ANKRD11: variants seen among roughly 807,000 people sequenced by gnomAD.
ANKRD11 encodes the protein ankyrin repeat domain-containing protein 11.
A neutral mutation model predicts 195.7 loss-of-function variants in ANKRD11; 17 were observed. The ratio of observed to expected loss-of-function variants is 0.09; its 90% CI spans 0.06 to 0.13. The LOEUF is 0.13. ANKRD11 is among the 10% of genes least tolerant of loss of function. The probability of loss-of-function intolerance (pLI) is 1.00; values close to 1 mark genes in which losing one functional copy is unlikely to be tolerated. For missense variants in ANKRD11, 3,735 were observed against 3,566.1 expected (o/e 1.05, Z -1.21); for synonymous variants, 1,953 against 1,528.1 (o/e 1.28, Z -6.49).
chr16:89,356,719 TGCAGTGA>T lies in ANKRD11; in HGVS notation c.-59-39648_-59-39642del, dbSNP rs543585888. Among the ~76,000 whole-genome samples the T allele has an allele frequency of 5.0e-3, 732 of 145,790 alleles. 4 individuals carry two copies. Among genetic ancestry groups the T allele is most frequent in the African/African-American group, 0.018 (708 of 39,106 alleles). On this transcript the variant is annotated intron_variant, in intron 2 of 12. Transcript: ENST00000301030. ...TGGTATGAACCCGGGAGGCCGAGCT[TGCAGTGA>T]GCCAAGATCGCACCACTGCACTCTA...
intron 7 of ANKRD11, chr16:89,286,867 C>G: frequency 7.8e-7 from 1 of 1,288,312 alleles, no homozygotes; most frequent in Non-Finnish European, 1.0e-6. Flanking sequence ...TAAATTTAAT[C>G]CCAACTTTAG....
intron 1 of ANKRD11, among the ~76,000 whole-genome samples, chr16:89,449,768 G>C (rs948290394): frequency 2.6e-5 from 4 of 152,152 alleles, no homozygotes; most frequent in African/African-American, 7.2e-5. Context: ...ACTCCAGCCT[G>C]GGCAACAAAA....
intron 2 of ANKRD11, among the ~76,000 whole-genome samples, chr16:89,384,617 G>T (rs536276157): frequency 6.6e-6 from 1 of 152,172 alleles, no homozygotes; most frequent in African/African-American, 2.4e-5. Context: ...GCTTCTGCAG[G>T]AAGGAGCCTC....
At chr16:89,428,971 C>A (rs2042849471) in intron 1 of ANKRD11, among the ~76,000 whole-genome samples, 1 of 152,048 alleles carries the variant, frequency 6.6e-6, no homozygotes, top group Non-Finnish European at 1.5e-5. Context: ...AATGTGAGCC[C>A]ACAATGATTT....
At chr16:89,311,881 C>G (rs1231565314) in intron 3 of ANKRD11, among the ~76,000 whole-genome samples, 1 of 152,058 alleles carries the variant, frequency 6.6e-6, no homozygotes, top group Non-Finnish European at 1.5e-5. Flanking sequence ...AAATCAGGAA[C>G]ACAGGGAAGG....
At chr16:89,271,814 A>T (rs2151682012) in intron 11 of ANKRD11, 1 of 152,268 alleles carries the variant, frequency 6.6e-6, no homozygotes, top group Non-Finnish European at 1.5e-5. Flanking sequence ...ACTGGGGAAA[A>T]TCTCCAGGAC....
intron 3 of ANKRD11, among the ~76,000 whole-genome samples, chr16:89,313,008 C>T (rs1236556108): frequency 6.6e-6 from 1 of 152,192 alleles, no homozygotes; most frequent in Non-Finnish European, 1.5e-5. Flanking sequence ...GGAGGGCTCA[C>T]ATGCTCAGTT....
At chr16:89,318,211 C>T (rs753228282) in intron 2 of ANKRD11, among the ~76,000 whole-genome samples, 12 of 152,202 alleles carry the variant, frequency 7.9e-5, no homozygotes, top group Non-Finnish European at 1.3e-4. Context: ...AACTTCCCCA[C>T]GCCACGCCTG....
intron 2 of ANKRD11, among the ~76,000 whole-genome samples, chr16:89,387,262 C>T (rs536112327): frequency 1.1e-3 from 173 of 151,116 alleles, no homozygotes; most frequent in Admixed American, 8.4e-3. Flanking sequence ...AAGGGAGAGG[C>T]CTGAATGGTG....
In ANKRD11 at chr16:89,280,518, G is replaced by C. The variant is rs375589721; in HGVS notation, c.6024C>G (p.Phe2008Leu). 4 of 1,610,888 alleles carry C rather than the reference G, an allele frequency of 2.5e-6. No homozygotes were observed. Among genetic ancestry groups the C allele is most frequent in the South Asian group, 1.1e-5 (1 of 90,944 alleles). ...CGGGGTACGGCGCCTCCGAGGCGCT[G>C]AAGGGCCCTGGGGCGGCAGAGTGGA... ...DPLHSAAPGP[F>L]SASEAPYPAP... is the part of the protein sequence containing the mutation. Residue 2008 changes from phenylalanine to leucine, a missense_variant, in exon 9 of 13, where the codon TTC (phenylalanine) becomes TTG (leucine). Phe to Leu is a conservative substitution (Grantham distance 22). Transcript: ENST00000301030.
intron 2 of ANKRD11, among the ~76,000 whole-genome samples, chr16:89,382,076 G>A (rs566160062): frequency 1.1e-4 from 16 of 152,324 alleles, no homozygotes; most frequent in African/African-American, 3.8e-4. Flanking sequence ...AGTGAATGGG[G>A]CCCAGGCAGG....
At chr16:89,298,804 C>G (rs981981871) in intron 4 of ANKRD11, 3 of 152,240 alleles carry the variant, frequency 2.0e-5, no homozygotes, top group African/African-American at 7.2e-5. Context: ...GTATGAGAAA[C>G]TGCTTACGTC....
intron 1 of ANKRD11, among the ~76,000 whole-genome samples, chr16:89,465,447 G>A (rs2056848741): frequency 6.6e-6 from 1 of 152,186 alleles, no homozygotes; most frequent in African/African-American, 2.4e-5. Context: ...GAGAACAGGG[G>A]CAGCACACTC....
In ANKRD11 at chr16:89,310,746, G is replaced by A. The variant is rs115013847; in HGVS notation, c.88-5402C>T. Among the ~76,000 whole-genome samples, 631 of 152,130 alleles carry A rather than the reference G, an allele frequency of 4.1e-3. 6 individuals are homozygous for A. The highest frequency in any genetic ancestry group is 0.014 in the African/African-American group (580 of 41,492). On this transcript the variant is annotated intron_variant, in intron 3 of 12. Transcript: ENST00000301030. Reference sequence around the variant, plus strand: ...ACAATTTCAGCCCTCTATTATTTACGAGTATTTAGAAATACACTTCTGCAT... The same window carrying A: ...ACAATTTCAGCCCTCTATTATTTACAAGTATTTAGAAATACACTTCTGCAT...
intron 11 of ANKRD11, 65 bp from the exon 12 acceptor site, chr16:89,270,974 G>A: frequency 1.3e-6 from 2 of 1,500,930 alleles, no homozygotes; most frequent in Non-Finnish European, 1.8e-6. Context: ...AGGCATGCCA[G>A]CCTGGGCGAT....
intron 4 of ANKRD11, among the ~76,000 whole-genome samples, chr16:89,303,766 T>G (rs1597542655): frequency 6.6e-6 from 1 of 152,196 alleles, no homozygotes; most frequent in East Asian, 1.9e-4. Context: ...CACACAATCA[T>G]AAAGGCTGAA....
chr16:89,275,953 G>T (rs1292599785), intron 9 of ANKRD11, among the ~76,000 whole-genome samples: 2 of 152,220 alleles, frequency 1.3e-5, no homozygotes, highest in Non-Finnish European at 2.9e-5. Context: ...CAGGGAGTCA[G>T]GTTTCCAAAG....
Position 89,284,530 on chromosome 16 carries a change from G to C in ANKRD11, c.2012C>G (p.Ala671Gly). Residue 671 changes from alanine to glycine, a missense_variant, in exon 9 of 13, where the codon GCT (alanine) becomes GGT (glycine). Coordinates refer to ENST00000301030, the MANE Select transcript of ANKRD11 (RefSeq NM_013275.6). Reference sequence around the variant, plus strand: ...GGAAAGATCATTCTCTAACAGTATAGCCTTATCTGACTTCTGCTTGGAGTC... The same window carrying C: ...GGAAAGATCATTCTCTAACAGTATACCCTTATCTGACTTCTGCTTGGAGTC... Reference protein sequence around the residue: ...YEDSKQKSDKAILLENDLSTE... With the variant: ...YEDSKQKSDKGILLENDLSTE... 4 of 1,613,996 alleles carry C rather than the reference G, an allele frequency of 2.5e-6. No individual in the cohort carries two copies. The highest frequency in any genetic ancestry group is 1.7e-5 in the Admixed American group (1 of 60,000).
At chr16:89,481,999 C>A (rs895631725) in intron 1 of ANKRD11, among the ~76,000 whole-genome samples, 1 of 152,008 alleles carries the variant, frequency 6.6e-6, no homozygotes, top group Non-Finnish European at 1.5e-5. Flanking sequence ...TATGATCTCT[C>A]TTTTCATAAG....
Sources: gnomAD v4.1 joint callset for allele counts (sites outside exome capture counted in the v4.1 genomes callset) on GRCh38, gnomAD v4.1.1 for gene constraint, MANE v1.5 for transcripts, NCBI Gene and HGNC (gene_info 2026-07-23, HGNC 2026-07-21) for gene names.